PCDHA5: variants seen among roughly 807,000 people sequenced by gnomAD.
PCDHA5 encodes the protein protocadherin alpha 5, also known as protocadherin alpha-5.
PCDHA5 carries 43 observed loss-of-function variants against 61.6 expected under a neutral mutation model. The ratio of observed to expected loss-of-function variants is 0.70; its 90% CI spans 0.55 to 0.90. The LOEUF (loss-of-function observed/expected upper bound fraction) is 0.90. Among genes scored for constraint, PCDHA5 ranks in the 40% least tolerant of loss-of-function variants. PCDHA5 has a pLI of 0.00. For synonymous variants in PCDHA5, 627 were observed against 543.9 expected (o/e 1.15, Z -2.13); for missense variants, 1,298 against 1,222.7 (o/e 1.06, Z -0.92).
chr5:141,006,680 G>A (rs1449792614), intron 3 of PCDHA5, among the ~76,000 whole-genome samples: 5 of 152,036 alleles, frequency 3.3e-5, no homozygotes, highest in African/African-American at 1.2e-4. Flanking sequence ...AGTGAAAATT[G>A]GGAGAAGAGG....
intron 3 of PCDHA5, among the ~76,000 whole-genome samples, chr5:140,996,604 A>G (rs1554255259): frequency 1.3e-5 from 2 of 152,090 alleles, no homozygotes; most frequent in African/African-American, 4.8e-5. Flanking sequence ...CCCCATTTTC[A>G]TTTGGCAAAT....
At chr5:140,977,461 G>A (rs1554238575) in intron 1 of PCDHA5, among the ~76,000 whole-genome samples, 1 of 152,120 alleles carries the variant, frequency 6.6e-6, no homozygotes, top group African/African-American at 2.4e-5. Context: ...CTTTGATTTG[G>A]TCTGTAGATA....
At chr5:140,987,268 C>T (rs190952772) in intron 3 of PCDHA5, among the ~76,000 whole-genome samples, 177 of 151,894 alleles carry the variant, frequency 1.2e-3, no homozygotes, top group African/African-American at 4.1e-3. Flanking sequence ...GAATGGGACC[C>T]GGCAGTCTAT....
chr5:140,849,625 T>A, intron 1 of PCDHA5: 1 of 1,598,718 alleles, frequency 6.3e-7, no homozygotes, highest in Non-Finnish European at 8.6e-7. Flanking sequence ...GTGATCGACC[T>A]AGACGCAGAT....
intron 1 of PCDHA5, chr5:140,854,677 A>G (rs1450428296): frequency 6.7e-6 from 1 of 150,054 alleles, no homozygotes; most frequent in African/African-American, 2.4e-5. Context: ...CATAAGACCA[A>G]TATGTCTGTT....
At chr5:140,840,103 A>T (rs1298281251) in intron 1 of PCDHA5, among the ~76,000 whole-genome samples, 2 of 152,168 alleles carry the variant, frequency 1.3e-5, no homozygotes, top group East Asian at 1.9e-4. Flanking sequence ...ATTTTAGTGA[A>T]ATCGAGTGAA....
rs971039767 is a variant in PCDHA5 at position 140,823,605 on chromosome 5, G to A, written c.1830G>A (p.Leu610=). ...ACAACGCTTGGCTTTCGTATGAGCTGCAGCCAGCGCCTGGCAGTGCGCGCA... is the reference window on the plus strand; with the variant it reads ...ACAACGCTTGGCTTTCGTATGAGCTACAGCCAGCGCCTGGCAGTGCGCGCA... ...SGYNAWLSYE[L]QPAPGSARIP... is the part of the protein sequence containing the mutation. The change falls in exon 1 of 4, where the codon CTG becomes CTA. Residue 610 remains leucine (L), a synonymous_variant. Transcript: ENST00000529859. 6.2e-7 allele frequency: 1 copy of A among 1,614,052 alleles called. No individual in the cohort carries two copies. The highest frequency in any genetic ancestry group is 1.7e-5 in the Admixed American group (1 of 60,036).
Position 140,858,344 on chromosome 5 carries a change from G to A in PCDHA5, c.2352+34217G>A, listed in dbSNP as rs371621182. 1.0e-5 allele frequency: 16 copies of A among 1,595,144 alleles called. No homozygotes were observed. In the East Asian group the frequency reaches 3.6e-4, roughly 36 times the overall value. On this transcript the variant is annotated intron_variant, in intron 1 of 3. Coordinates refer to ENST00000529859, the MANE Select transcript of PCDHA5 (RefSeq NM_018908.3). Reference sequence around the variant, plus strand: ...TTCTGGGGAGGGCCTGCCCAAGGCGGACCTCATGGCCTTCAGCCCCAGCCT... The same window carrying A: ...TTCTGGGGAGGGCCTGCCCAAGGCGAACCTCATGGCCTTCAGCCCCAGCCT...
At chr5:140,918,595 A>T (rs2078770795) in intron 1 of PCDHA5, among the ~76,000 whole-genome samples, 1 of 152,228 alleles carries the variant, frequency 6.6e-6, no homozygotes, top group Non-Finnish European at 1.5e-5. Context: ...TGTTCTATAG[A>T]TGTTGCTATG....
intron 1 of PCDHA5, among the ~76,000 whole-genome samples, chr5:140,832,019 T>C (rs2150199217): frequency 4.6e-5 from 7 of 152,356 alleles, no homozygotes; most frequent in Non-Finnish European, 1.0e-4. Context: ...TACGTAAAGA[T>C]TGAATTTTTG....
intron 1 of PCDHA5, chr5:140,857,825 G>T: frequency 3.8e-6 from 6 of 1,597,886 alleles, no homozygotes; most frequent in Non-Finnish European, 3.4e-6. Flanking sequence ...GGTGGCTAAG[G>T]TGCGCGCAGT....
At chr5:140,842,526 A>G (rs2150338157) in intron 1 of PCDHA5, 11 of 1,613,304 alleles carry the variant, frequency 6.8e-6, no homozygotes, top group African/African-American at 1.3e-5. Flanking sequence ...TCCACCTTCA[A>G]GAATTACTAC....
intron 1 of PCDHA5, chr5:140,928,138 A>G (rs1554205540): frequency 1.9e-6 from 3 of 1,614,190 alleles, no homozygotes; most frequent in South Asian, 1.1e-5. Context: ...AGTCCTGATC[A>G]CGGCCTCAGA....
chr5:140,967,539 A>G (rs1554229656), intron 1 of PCDHA5: 2 of 1,613,730 alleles, frequency 1.2e-6, no homozygotes, highest in African/African-American at 1.3e-5. Flanking sequence ...CCTGCCTTTG[A>G]CCAGTCCACT....
Position 140,822,888 on chromosome 5 carries a change from C to T in PCDHA5, c.1113C>T (p.Ile371=), listed in dbSNP as rs2150120087. ...DAPLSTVIAL[I]SVSDRDSGAN... The stretch of plus-strand genomic sequence containing the variant: ...CACTCAGCACGGTCATTGCTCTGAT[C>T]AGCGTGTCTGACCGTGACTCAGGTG... Residue 371 remains isoleucine (I), a synonymous_variant, in exon 1 of 4, where the codon ATC becomes ATT. Transcript: ENST00000529859. 2.5e-6 allele frequency: 4 copies of T among 1,614,234 alleles called. No homozygotes were observed. The highest frequency in any genetic ancestry group is 3.4e-6 in the Non-Finnish European group (4 of 1,180,050).
chr5:141,004,402 A>T (rs2098165262), intron 3 of PCDHA5, among the ~76,000 whole-genome samples: 1 of 152,188 alleles, frequency 6.6e-6, no homozygotes, highest in African/African-American at 2.4e-5. Context: ...TGGAGGAGGC[A>T]CCTGACTAGA....
intron 1 of PCDHA5, chr5:140,877,979 A>G (rs2057420487): frequency 4.9e-6 from 6 of 1,227,544 alleles, no homozygotes; most frequent in Non-Finnish European, 5.4e-6. Flanking sequence ...ATTCTTACTC[A>G]TTTTGAACTT....
chr5:140,941,304 CTTTT>C (rs2093021953), intron 1 of PCDHA5, among the ~76,000 whole-genome samples: 1 of 84,848 alleles, frequency 1.2e-5, no homozygotes, highest in African/African-American at 4.2e-5. Context: ...TTCTTTCTTT[CTTTT>C]TCTTCTTTCT....
intron 1 of PCDHA5, chr5:140,865,913 C>G (rs2049050417): frequency 6.6e-6 from 1 of 152,098 alleles, no homozygotes; most frequent in African/African-American, 2.4e-5. Flanking sequence ...ATCTTTCTTT[C>G]TGTTGTGCTT....
Sources: gnomAD v4.1 joint callset for allele counts (sites outside exome capture counted in the v4.1 genomes callset) on GRCh38, gnomAD v4.1.1 for gene constraint, MANE v1.5 for transcripts, NCBI Gene and HGNC (gene_info 2026-07-23, HGNC 2026-07-21) for gene names.